Variants in ADAMTSL3 observed in about 807,000 individuals in gnomAD.
ADAMTSL3 encodes ADAMTS like 3, also known as ADAMTS-like protein 3.
Under a neutral mutation model 201.7 loss-of-function variants are expected in ADAMTSL3, and 128 were observed. The ratio of observed to expected loss-of-function variants is 0.63; its 90% confidence interval spans 0.55 to 0.73. The LOEUF (loss-of-function observed/expected upper bound fraction) is 0.73. ADAMTSL3 is among the 30% of genes least tolerant of loss of function. ADAMTSL3 has a pLI of 0.00. For missense variants in ADAMTSL3, 1,990 were observed against 2,119.6 expected (o/e 0.94, Z 1.20); for synonymous variants, 738 against 748.4 (o/e 0.99, Z 0.23).
chr15:83,959,677 T>G (rs558021540), intron 19 of ADAMTSL3, among the ~76,000 whole-genome samples: 1 of 152,322 alleles, frequency 6.6e-6, no homozygotes, highest in African/African-American at 2.4e-5. Context: ...TCTATATTGT[T>G]CCCATGAGCA....
At chr15:83,746,035 A>G (rs1175948892) in intron 3 of ADAMTSL3, among the ~76,000 whole-genome samples, 6 of 152,142 alleles carry the variant, frequency 3.9e-5, no homozygotes, top group Non-Finnish European at 8.8e-5. Flanking sequence ...ACAGTGGCTC[A>G]GTGATGCTCT....
At chr15:83,826,444 T>G (rs1464190852) in intron 6 of ADAMTSL3, among the ~76,000 whole-genome samples, 1 of 151,900 alleles carries the variant, frequency 6.6e-6, no homozygotes, top group East Asian at 1.9e-4. Flanking sequence ...TCTTTTTTTT[T>G]TTTTTTTAAT....
chr15:83,811,366 CATT>C (rs1306206468), intron 5 of ADAMTSL3, among the ~76,000 whole-genome samples: 1 of 152,170 alleles, frequency 6.6e-6, no homozygotes, highest in Non-Finnish European at 1.5e-5. Flanking sequence ...TAAAACAATT[CATT>C]TTAAACCCCA....
At chr15:83,931,952 ATCCAC>A (rs1223048058) in intron 17 of ADAMTSL3, among the ~76,000 whole-genome samples, 1 of 152,248 alleles carries the variant, frequency 6.6e-6, no homozygotes, top group African/African-American at 2.4e-5. Context: ...AGGAAAAAAT[ATCCAC>A]TCCTAGTATC....
intron 17 of ADAMTSL3, among the ~76,000 whole-genome samples, chr15:83,934,895 G>C (rs1051565114): frequency 2.6e-5 from 4 of 152,138 alleles, no homozygotes; most frequent in African/African-American, 9.7e-5. Flanking sequence ...GTCTTTTGCA[G>C]CAACATGGAT....
rs955711681 is a variant in ADAMTSL3, at chr15:84,039,199, C to T, written c.*1393C>T. 2.0e-5 allele frequency: 3 copies of T among 152,656 alleles called. No individual in the cohort carries two copies. Among genetic ancestry groups the T allele is most frequent in the African/African-American group, 7.2e-5 (3 of 41,454 alleles). The allele number at this position is 152,656 out of a possible 1,614,324, so 9.5% of individuals were successfully genotyped here. A position where few individuals can be genotyped will look rare whatever the true frequency, so the allele number is the denominator to read the frequency against. On this transcript the variant is annotated 3_prime_UTR_variant, in exon 30 of 30. Transcript: ENST00000286744. ...TTATTCAGGGTCTCAGCTGCCTGTA[C>T]ACCTGCTGCCTACATCTTCTTGGCA...
In ADAMTSL3 at chr15:84,039,114, T is replaced by A. The variant is rs2068560388; in HGVS notation, c.*1308T>A. The A allele has an allele frequency of 6.6e-6, 1 of 152,464 alleles. No individual in the cohort carries two copies. The highest frequency in any genetic ancestry group is 2.4e-5 in the African/African-American group (1 of 41,440). 9.4% of individuals were successfully genotyped at this position (152,464 alleles called of 1,614,324 possible). A position where few individuals can be genotyped will look rare whatever the true frequency, so the allele number is the denominator to read the frequency against. On this transcript the variant is annotated 3_prime_UTR_variant, in exon 30 of 30. Transcript: ENST00000286744. ...TGATTTGGTTATGGGGTCTTTCCCC[T>A]GTATACTACCAGTTGTGTCTTTAGA...
chr15:83,940,325 G>T (rs1469964182), intron 17 of ADAMTSL3, among the ~76,000 whole-genome samples: 2 of 152,178 alleles, frequency 1.3e-5, no homozygotes, highest in African/African-American at 4.8e-5. Context: ...ACAAAATACC[G>T]TAAGGGTGGC....
intron 19 of ADAMTSL3, among the ~76,000 whole-genome samples, chr15:83,944,714 A>G (rs1445048222): frequency 6.6e-6 from 1 of 152,224 alleles, no homozygotes; most frequent in Non-Finnish European, 1.5e-5. Flanking sequence ...GCAAGAGAAA[A>G]GGCTTTTGAG....
intron 20 of ADAMTSL3, 73 bp from the exon 21 acceptor site, chr15:83,982,200 T>C: frequency 8.4e-7 from 1 of 1,196,946 alleles, no homozygotes; most frequent in Non-Finnish European, 1.2e-6. Flanking sequence ...CCTTGAAAGA[T>C]TACTGTCAAA....
At chr15:83,854,533 A>G (rs2064690693) in intron 7 of ADAMTSL3, among the ~76,000 whole-genome samples, 1 of 152,174 alleles carries the variant, frequency 6.6e-6, no homozygotes, top group African/African-American at 2.4e-5. Context: ...TGAACTACAC[A>G]TACTGTGTTG....
chr15:84,037,316 G>C (rs1307231786), intron 29 of ADAMTSL3, among the ~76,000 whole-genome samples: 1 of 152,164 alleles, frequency 6.6e-6, no homozygotes, highest in African/African-American at 2.4e-5. Context: ...TTCCATGGAT[G>C]GGCTTGGGTA....
intron 4 of ADAMTSL3, among the ~76,000 whole-genome samples, chr15:83,777,223 A>G (rs1378325328): frequency 6.6e-6 from 1 of 152,200 alleles, no homozygotes; most frequent in Non-Finnish European, 1.5e-5. Flanking sequence ...ATTGTGGTGA[A>G]TGCCTACAGA....
intron 4 of ADAMTSL3, among the ~76,000 whole-genome samples, chr15:83,799,653 T>A (rs1439562024): frequency 6.6e-6 from 1 of 152,204 alleles, no homozygotes; most frequent in African/African-American, 2.4e-5. Flanking sequence ...TAATATATCC[T>A]CATGTGGAAT....
At chr15:83,994,261 T>C (rs989359843) in intron 23 of ADAMTSL3, among the ~76,000 whole-genome samples, 2 of 152,198 alleles carry the variant, frequency 1.3e-5, no homozygotes, top group African/African-American at 4.8e-5. Flanking sequence ...AATAAAAACA[T>C]CTTTGAATGC....
chr15:83,696,011 A>G (rs1375051707), intron 2 of ADAMTSL3, among the ~76,000 whole-genome samples: 4 of 152,140 alleles, frequency 2.6e-5, no homozygotes, highest in East Asian at 3.9e-4. Context: ...TACAAACTGT[A>G]AAGTCCCATG....
chr15:83,923,749 G>T (rs2066191168), intron 16 of ADAMTSL3, among the ~76,000 whole-genome samples, 155 bp from the exon 17 acceptor site: 1 of 152,214 alleles, frequency 6.6e-6, no homozygotes, highest in Non-Finnish European at 1.5e-5. Context: ...ATGCAAAGTT[G>T]TTTGTTCCCA....
chr15:83,994,323 G>A (rs1469728899), intron 23 of ADAMTSL3, among the ~76,000 whole-genome samples: 3 of 152,192 alleles, frequency 2.0e-5, no homozygotes, highest in Non-Finnish European at 4.4e-5. Context: ...TTCTACAACT[G>A]TGGATGGCAC....
chr15:83,781,416 A>C (rs995348053), intron 4 of ADAMTSL3, among the ~76,000 whole-genome samples: 2 of 152,258 alleles, frequency 1.3e-5, no homozygotes, highest in African/African-American at 4.8e-5. Flanking sequence ...CATATGCAGA[A>C]GATTGAAACT....
Sources: allele counts gnomAD v4.1 joint callset (sites outside exome capture counted in the v4.1 genomes callset), GRCh38; gene constraint gnomAD v4.1.1; transcripts MANE v1.5; gene names NCBI Gene and HGNC (gene_info 2026-07-23, HGNC 2026-07-21).